Variants in BLK observed in about 807,000 individuals in gnomAD.
BLK encodes the protein tyrosine-protein kinase Blk.
BLK carries 64 observed loss-of-function variants against 61.8 expected under a neutral mutation model. The observed-to-expected ratio is 1.03, with a 90% CI of 0.85 to 1.27. BLK has a LOEUF of 1.27. Among genes scored for constraint, BLK ranks in the 50% most tolerant of loss-of-function variants. BLK has a pLI of 0.00. For synonymous variants in BLK, 351 were observed against 272.0 expected (o/e 1.29, Z -2.86); for missense variants, 853 against 660.5 (o/e 1.29, Z -3.19).
chr8:11,510,586 CA>C (rs1352480518), intron 1 of BLK, among the ~76,000 whole-genome samples: 1 of 151,992 alleles, frequency 6.6e-6, no homozygotes, highest in East Asian at 1.9e-4. Flanking sequence ...GCTGTGGCCC[CA>C]AAAATGTTTT....
chr8:11,521,231 A>G (rs11991127), intron 1 of BLK, among the ~76,000 whole-genome samples: 20,700 of 152,238 alleles, frequency 0.14, 1,637 homozygotes, highest in East Asian at 0.27. Context: ...ATAATTATCT[A>G]TACCCTAAAG....
intron 1 of BLK, among the ~76,000 whole-genome samples, chr8:11,538,163 T>C (rs763734287): frequency 6.6e-6 from 1 of 152,120 alleles, no homozygotes. Flanking sequence ...CACACACAAG[T>C]GCACATAAGT....
chr8:11,524,483 T>C (rs1799573247), intron 1 of BLK, among the ~76,000 whole-genome samples: 1 of 152,206 alleles, frequency 6.6e-6, no homozygotes, highest in African/African-American at 2.4e-5. Flanking sequence ...AAAAGAATAA[T>C]AACCCTTGTT....
At chr8:11,537,472 A>T (rs943337371) in intron 1 of BLK, among the ~76,000 whole-genome samples, 32 of 152,338 alleles carry the variant, frequency 2.1e-4, no homozygotes, top group African/African-American at 7.7e-4. Context: ...CAAGGCTTCC[A>T]GATACAAAAT....
chr8:11,559,868 C>T, intron 10 of BLK: 2 of 456,000 alleles, frequency 4.4e-6, no homozygotes, highest in South Asian at 1.5e-5. Flanking sequence ...TGCCAGAGAG[C>T]CCTTAGCTCA....
intron 1 of BLK, among the ~76,000 whole-genome samples, chr8:11,498,553 T>G (rs1162871333): frequency 6.6e-6 from 1 of 152,206 alleles, no homozygotes; most frequent in African/African-American, 2.4e-5. Flanking sequence ...GACTTGGACA[T>G]AGAAGTCAGA....
rs188901685 is a variant in BLK, at chr8:11,502,677, C to G, written c.-2+8086C>G. Among the ~76,000 whole-genome samples, 195 of 152,350 alleles carry G rather than the reference C, an allele frequency of 1.3e-3. 1 individual carries two copies. Among genetic ancestry groups the G allele is most frequent in the African/African-American group, 4.4e-3 (183 of 41,586 alleles). On this transcript the variant is annotated intron_variant, in intron 1 of 12. Transcript: ENST00000259089. ...GAATTTAACAACCGGCTCTAGCATACCGGCACAAGCTGGCCCCCAGTGCAT... is the reference window on the plus strand; with the variant it reads ...GAATTTAACAACCGGCTCTAGCATAGCGGCACAAGCTGGCCCCCAGTGCAT...
chr8:11,510,675 A>G (rs1029214354), intron 1 of BLK, among the ~76,000 whole-genome samples: 1 of 152,086 alleles, frequency 6.6e-6, no homozygotes, highest in African/African-American at 2.4e-5. Flanking sequence ...AAATCGAAAG[A>G]TCTTTGCCTA....
chr8:11,528,714 A>G (rs1799773524), intron 1 of BLK, among the ~76,000 whole-genome samples: 1 of 152,264 alleles, frequency 6.6e-6, no homozygotes, highest in Non-Finnish European at 1.5e-5. Flanking sequence ...TAACGAAAAC[A>G]TTGGTGCTCT....
In BLK at chr8:11,564,003, G is replaced by A. The variant is rs1352258076; in HGVS notation, c.1413G>A (p.Glu471=). 1 of 1,605,756 alleles carries A rather than the reference G, an allele frequency of 6.2e-7. No individual in the cohort carries two copies. The highest frequency in any genetic ancestry group is 8.5e-7 in the Non-Finnish European group (1 of 1,179,242). Residue 471 remains glutamate, a synonymous_variant, in exon 13 of 13, where the codon GAG becomes GAA. Coordinates refer to ENST00000259089, the MANE Select transcript of BLK (RefSeq NM_001715.3). ...AGCTGTACCGCGGCGTCATCGCCGA[G>A]TGCTGGCGCAGCCGGCCCGAGGAGC... ...PPELYRGVIA[E]CWRSRPEERP...
At chr8:11,506,235 G>C (rs929938623) in intron 1 of BLK, among the ~76,000 whole-genome samples, 1 of 152,244 alleles carries the variant, frequency 6.6e-6, no homozygotes, top group Admixed American at 6.5e-5. Flanking sequence ...GCTTGAAGCT[G>C]TTTTATGTCC....
rs192193672 is a variant in BLK at position 11,496,473 on chromosome 8, C to T, written c.-2+1882C>T. ...GCCTGGGCTGATCTCCAACCCCTGG[C>T]TTCAAGCCATCCTCCCACTTTGGCC... On this transcript the variant is annotated intron_variant, in intron 1 of 12. Coordinates refer to ENST00000259089, the MANE Select transcript of BLK (RefSeq NM_001715.3). Among the ~76,000 whole-genome samples, 5 of 152,362 alleles carry T rather than the reference C, an allele frequency of 3.3e-5. No individual in the cohort carries two copies. In the East Asian group the frequency reaches 9.6e-4, roughly 29 times the overall value.
intron 1 of BLK, among the ~76,000 whole-genome samples, chr8:11,542,252 AC>A (rs1800411950): frequency 6.6e-6 from 1 of 152,158 alleles, no homozygotes; most frequent in Admixed American, 6.5e-5. Context: ...ATTGTGAGAC[AC>A]CTCCCAGTTC....
At chr8:11,547,980 C>T (rs966281977) in intron 3 of BLK, 52 bp from the exon 4 acceptor site, 1 of 1,520,236 alleles carries the variant, frequency 6.6e-7, no homozygotes, top group Non-Finnish European at 9.1e-7. Flanking sequence ...CCCAGCCCCA[C>T]CTTCCCGCTT....
chr8:11,503,259 A>G (rs933097626), intron 1 of BLK, among the ~76,000 whole-genome samples: 1 of 152,172 alleles, frequency 6.6e-6, no homozygotes, highest in Admixed American at 6.5e-5. Context: ...GCTGGTTCTG[A>G]CCTTCTAGCC....
intron 1 of BLK, among the ~76,000 whole-genome samples, chr8:11,506,717 A>C (rs1209340106): frequency 6.6e-6 from 1 of 152,170 alleles, no homozygotes; most frequent in African/African-American, 2.4e-5. Flanking sequence ...TCATCAGTCC[A>C]TGCAGGGGGC....
At chr8:11,559,865 G>A (rs933828668) in intron 10 of BLK, 4 of 456,030 alleles carry the variant, frequency 8.8e-6, no homozygotes, top group Admixed American at 2.4e-5. Context: ...AACTGCCAGA[G>A]AGCCCTTAGC....
chr8:11,559,975 C>T (rs1801414758), intron 10 of BLK: 2 of 379,850 alleles, frequency 5.3e-6, no homozygotes, highest in Non-Finnish European at 1.0e-5. Flanking sequence ...AAATATATTT[C>T]TGGTACTGTT....
chr8:11,545,011 T>G (rs898021305), intron 2 of BLK, among the ~76,000 whole-genome samples: 1 of 152,184 alleles, frequency 6.6e-6, no homozygotes, highest in Non-Finnish European at 1.5e-5. Flanking sequence ...TAGCTTTGCT[T>G]TTTAATATTA....
Sources: gnomAD v4.1 joint callset for allele counts (sites outside exome capture counted in the v4.1 genomes callset) on GRCh38, gnomAD v4.1.1 for gene constraint, MANE v1.5 for transcripts, NCBI Gene and HGNC (gene_info 2026-07-23, HGNC 2026-07-21) for gene names.